ZNF804B: variants seen among roughly 807,000 people sequenced by gnomAD.
ZNF804B encodes the protein zinc finger 804B.
A neutral mutation model predicts 101.4 loss-of-function variants in ZNF804B; 80 were observed. That is an observed-to-expected ratio of 0.79 (90% CI 0.66 to 0.95). The LOEUF is 0.95. ZNF804B is among the 40% of genes least tolerant of loss of function. The pLI is 0.00. For missense variants in ZNF804B, 1,673 were observed against 1,561.9 expected (o/e 1.07, Z -1.20); for synonymous variants, 622 against 558.8 (o/e 1.11, Z -1.59).
chr7:89,070,758 A>T (rs1789523742), intron 1 of ZNF804B, among the ~76,000 whole-genome samples: 1 of 152,256 alleles, frequency 6.6e-6, no homozygotes, highest in South Asian at 2.1e-4. Context: ...GACCTTATAA[A>T]TTGATTTTAT....
intron 1 of ZNF804B, among the ~76,000 whole-genome samples, chr7:89,068,073 C>T (rs969765599): frequency 2.0e-5 from 3 of 149,428 alleles, no homozygotes; most frequent in Non-Finnish European, 4.4e-5. Context: ...GATGACAGTG[C>T]ACTCAAATGT....
intron 1 of ZNF804B, among the ~76,000 whole-genome samples, chr7:89,128,711 A>G (rs1038878762): frequency 6.6e-6 from 1 of 152,012 alleles, no homozygotes; most frequent in Non-Finnish European, 1.5e-5. Context: ...CTAGTTTAAC[A>G]TATTTTCTCA....
chr7:88,931,004 T>C (rs1372789828), intron 1 of ZNF804B, among the ~76,000 whole-genome samples: 1 of 151,872 alleles, frequency 6.6e-6, no homozygotes, highest in Non-Finnish European at 1.5e-5. Context: ...AGCTTAAGAA[T>C]TGAACCATAA....
chr7:89,273,513 C>G (rs1170202022), intron 2 of ZNF804B, among the ~76,000 whole-genome samples: 1 of 152,008 alleles, frequency 6.6e-6, no homozygotes, highest in African/African-American at 2.4e-5. Flanking sequence ...TCAGTTATAG[C>G]CAACTTATAA....
chr7:89,131,566 C>A (rs145697637), intron 1 of ZNF804B, among the ~76,000 whole-genome samples: 1 of 151,964 alleles, frequency 6.6e-6, no homozygotes, highest in South Asian at 2.1e-4. Context: ...ATGCACAACA[C>A]CAAATTTGCA....
At position 89,319,587 on chromosome 7, in the gene ZNF804B, A is replaced by G. The variant is rs1790788299; in HGVS notation, c.250-7757A>G. Reference sequence around the variant, plus strand: ...ACAGAGCCTGTTTACGCGTGAAAACATACACATTGAAACAAAACTTCACAC... The same window carrying G: ...ACAGAGCCTGTTTACGCGTGAAAACGTACACATTGAAACAAAACTTCACAC... On this transcript the variant is annotated intron_variant, in intron 2 of 3. Coordinates refer to ENST00000333190, the MANE Select transcript of ZNF804B (RefSeq NM_181646.5). Among the ~76,000 whole-genome samples the G allele has an allele frequency of 2.6e-5, 4 of 152,210 alleles. No homozygotes were observed. In the South Asian group the frequency reaches 8.3e-4, roughly 31 times the overall value.
intron 1 of ZNF804B, among the ~76,000 whole-genome samples, chr7:89,053,864 T>G (rs1036544882): frequency 3.6e-4 from 54 of 152,026 alleles, no homozygotes; most frequent in Non-Finnish European, 1.2e-4. Flanking sequence ...ATTGAAGATC[T>G]TACCTAATTG....
intron 1 of ZNF804B, among the ~76,000 whole-genome samples, chr7:88,778,798 C>A (rs906900206): frequency 5.3e-5 from 8 of 152,162 alleles, no homozygotes; most frequent in Non-Finnish European, 8.8e-5. Flanking sequence ...TGGTGCCTAG[C>A]ATTGTACTAG....
At chr7:89,216,748 AT>A (rs1371082191) in intron 1 of ZNF804B, among the ~76,000 whole-genome samples, 3 of 152,198 alleles carry the variant, frequency 2.0e-5, no homozygotes, top group Non-Finnish European at 4.4e-5. Context: ...CATTCTGAAA[AT>A]ATGCGTAAAT....
intron 2 of ZNF804B, among the ~76,000 whole-genome samples, chr7:89,278,527 A>G (rs1790026819): frequency 6.6e-6 from 1 of 151,868 alleles, no homozygotes; most frequent in Non-Finnish European, 1.5e-5. Flanking sequence ...TGATTTTTGT[A>G]TAAGGTGTAA....
chr7:89,220,049 A>ATATATGCACACATATATGTGTGTG lies in ZNF804B; in HGVS notation c.249+1758_249+1759insTGCACACATATATGTGTGTGTATA, dbSNP rs1562920300. On this transcript the variant is annotated intron_variant, in intron 2 of 3. Coordinates refer to ENST00000333190, the MANE Select transcript of ZNF804B (RefSeq NM_181646.5). ...TATATATACGCACATATATGTGCATATATACATATATACGCACATATATGT... is the reference window on the plus strand; with the variant it reads ...TATATATACGCACATATATGTGCATATATATGCACACATATATGTGTGTGTATACATATATACGCACATATATGT... Among the ~76,000 whole-genome samples the ATATATGCACACATATATGTGTGTG allele has an allele frequency of 1.2e-4, 12 of 101,902 alleles. 2 individuals carry two copies. Among genetic ancestry groups the ATATATGCACACATATATGTGTGTG allele is most frequent in the African/African-American group, 5.1e-4 (12 of 23,562 alleles). 66.9% of individuals were successfully genotyped at this position (101,902 alleles called of 152,430 possible).
At chr7:89,010,047 G>A (rs1043675703) in intron 1 of ZNF804B, among the ~76,000 whole-genome samples, 5 of 151,660 alleles carry the variant, frequency 3.3e-5, no homozygotes, top group African/African-American at 9.7e-5. Context: ...ATCTATTATT[G>A]TATATACATA....
intron 2 of ZNF804B, among the ~76,000 whole-genome samples, chr7:89,271,314 A>T (rs866850618): frequency 1.3e-5 from 2 of 152,094 alleles, no homozygotes; most frequent in Admixed American, 1.3e-4. Context: ...TTCTGCATCT[A>T]TTGAGATAAT....
intron 1 of ZNF804B, among the ~76,000 whole-genome samples, chr7:88,864,247 A>T (rs1791693502): frequency 6.6e-6 from 1 of 152,212 alleles, no homozygotes; most frequent in South Asian, 2.1e-4. Context: ...GCCTAGTGTA[A>T]TAAGCTCTTA....
chr7:88,781,338 C>A (rs879356644), intron 1 of ZNF804B, among the ~76,000 whole-genome samples: 12 of 152,240 alleles, frequency 7.9e-5, no homozygotes, highest in Admixed American at 2.0e-4. Flanking sequence ...AGAGCAGCAG[C>A]AGAAGCCTGC....
chr7:89,124,646 C>T (rs1056717260), intron 1 of ZNF804B, among the ~76,000 whole-genome samples: 12 of 152,068 alleles, frequency 7.9e-5, no homozygotes, highest in Admixed American at 5.2e-4. Context: ...AATAGAGAAG[C>T]GCTATCACCC....
chr7:89,056,296 C>T (rs558490567), intron 1 of ZNF804B, among the ~76,000 whole-genome samples: 1 of 152,096 alleles, frequency 6.6e-6, no homozygotes, highest in East Asian at 1.9e-4. Flanking sequence ...AAGCCTGAAG[C>T]CCAGGGGCAC....
intron 1 of ZNF804B, among the ~76,000 whole-genome samples, chr7:88,869,084 A>G (rs927852655): frequency 6.6e-6 from 1 of 152,142 alleles, no homozygotes; most frequent in South Asian, 2.1e-4. Context: ...AAAAGTTTAA[A>G]CCCATCACAC....
chr7:89,057,748 A>G (rs2116276441), intron 1 of ZNF804B, among the ~76,000 whole-genome samples: 1 of 152,146 alleles, frequency 6.6e-6, no homozygotes, highest in African/African-American at 2.4e-5. Context: ...AGTAGAAGCA[A>G]GTGATGTGAT....
Sources: allele counts gnomAD v4.1 joint callset (sites outside exome capture counted in the v4.1 genomes callset), GRCh38; gene constraint gnomAD v4.1.1; transcripts MANE v1.5; gene names NCBI Gene and HGNC (gene_info 2026-07-23, HGNC 2026-07-21).